Variants in GARNL3 observed in about 807,000 individuals in gnomAD.
GARNL3 encodes GTPase activating Rap/RanGAP domain like 3.
A neutral mutation model predicts 125.0 loss-of-function variants in GARNL3; 63 were observed. That is an observed-to-expected ratio of 0.50 (90% CI 0.41 to 0.62). The LOEUF (loss-of-function observed/expected upper bound fraction) is 0.62, where lower values mean the gene tolerates loss of function less well. Among genes scored for constraint, GARNL3 ranks in the 20% least tolerant of loss-of-function variants. The pLI, the probability that GARNL3 is intolerant of heterozygous loss-of-function variation, is 0.00. For missense variants in GARNL3, 994 were observed against 1,244.0 expected, an observed-to-expected ratio of 0.80 and a Z score of 3.02; for synonymous variants, 439 against 457.5, an observed-to-expected ratio of 0.96 and a Z score of 0.52.
At chr9:127,348,108 G>A (rs1175795558) in intron 16 of GARNL3, among the ~76,000 whole-genome samples, 2 of 152,226 alleles carry the variant, frequency 1.3e-5, no homozygotes, top group Non-Finnish European at 2.9e-5. Flanking sequence ...ATGCCTGATT[G>A]AGAGTAAAAG....
At chr9:127,291,685 C>T (rs956590739) in intron 2 of GARNL3, among the ~76,000 whole-genome samples, 4 of 149,658 alleles carry the variant, frequency 2.7e-5, no homozygotes, top group Non-Finnish European at 5.9e-5. Context: ...TTTCTGGGCT[C>T]TCTGGGTCTT....
intron 1 of GARNL3, among the ~76,000 whole-genome samples, chr9:127,276,207 C>T (rs149970159): frequency 2.0e-5 from 3 of 151,742 alleles, no homozygotes; most frequent in African/African-American, 4.8e-5. Context: ...AGGCTGATCT[C>T]GGACTCCTGG....
chr9:127,250,534 A>G lies in GARNL3; in HGVS notation c.143+7285A>G, dbSNP rs141361188. Among the ~76,000 whole-genome samples the G allele has an allele frequency of 4.6e-5, 7 of 152,276 alleles. No homozygotes were observed. In the East Asian group the frequency reaches 1.3e-3, roughly 29 times the overall value. ...TGGCAGTAAGTCTGATTAGGGGCAC[A>G]TGATATTTTGGGGGCTGCTGGGGTA... is the stretch of plus-strand genomic sequence containing the variant. On this transcript the variant is annotated intron_variant, in intron 2 of 10. Coordinates refer to the GARNL3 transcript ENST00000439286.
chr9:127,354,618 G>A (rs1326705744), intron 19 of GARNL3, among the ~76,000 whole-genome samples: 1 of 152,192 alleles, frequency 6.6e-6, no homozygotes, highest in African/African-American at 2.4e-5. Context: ...TCTAGGCCTT[G>A]CATAACAGGT....
chr9:127,358,408 A>G (rs1830801899), intron 21 of GARNL3, among the ~76,000 whole-genome samples: 2 of 152,274 alleles, frequency 1.3e-5, no homozygotes, highest in African/African-American at 4.8e-5. Flanking sequence ...AGGGAGACTA[A>G]CTCCTAGTGA....
chr9:127,388,965 C>T lies in GARNL3; in HGVS notation c.2589C>T (p.Ile863=), dbSNP rs751014679. Residue 863 remains isoleucine, a synonymous_variant, in exon 26 of 28, where the codon ATC becomes ATT. Transcript: ENST00000373387. ...IPLRNLVGRS[I]ERPLKSPLVS... is the part of the protein sequence containing the mutation. ...TTAGAAACCTCGTGGGCAGAAGCATCGAACGACCTCTGAAGTCACCCTTAG... is the reference window on the plus strand; with the variant it reads ...TTAGAAACCTCGTGGGCAGAAGCATTGAACGACCTCTGAAGTCACCCTTAG... 2.4e-5 allele frequency: 39 copies of T among 1,613,542 alleles called. No homozygotes were observed. The highest frequency in any genetic ancestry group is 8.3e-5 in the Admixed American group (5 of 60,002).
At chr9:127,360,414 G>A (rs75417815) in intron 21 of GARNL3, among the ~76,000 whole-genome samples, 23 of 152,254 alleles carry the variant, frequency 1.5e-4, no homozygotes, top group East Asian at 3.9e-4. Flanking sequence ...GTAGAATGGC[G>A]GCTGCACAGC....
At chr9:127,292,032 T>C (rs1212656057) in intron 2 of GARNL3, among the ~76,000 whole-genome samples, 1 of 152,152 alleles carries the variant, frequency 6.6e-6, no homozygotes, top group East Asian at 1.9e-4. Flanking sequence ...GAAGTGCTAG[T>C]TATGATGCTA....
At position 127,313,541 on chromosome 9, in the gene GARNL3, A is replaced by AATTC; in HGVS notation, c.421_424dup (p.Leu142HisfsTer36). 6.2e-7 allele frequency: 1 copy of AATTC among 1,613,290 alleles called. No homozygotes were observed. The highest frequency in any genetic ancestry group is 8.5e-7 in the Non-Finnish European group (1 of 1,179,208). On this transcript the variant is annotated frameshift_variant, in exon 4 of 28. Transcript: ENST00000373387. LOFTEE classifies it high-confidence loss of function. ...ATCAACGTGTCCCTCAATACCGTGC[A>AATTC]ATTCTTTGGAGAAAAACAGTAAGTA...
intron 1 of GARNL3, among the ~76,000 whole-genome samples, chr9:127,286,588 T>C (rs1369962304): frequency 6.6e-6 from 1 of 152,246 alleles, no homozygotes; most frequent in East Asian, 1.9e-4. Context: ...AGTTCTAGTT[T>C]TTGGTTCACC....
intron 2 of GARNL3, among the ~76,000 whole-genome samples, chr9:127,296,653 G>A (rs1022030962): frequency 1.3e-5 from 2 of 151,724 alleles, no homozygotes; most frequent in African/African-American, 4.8e-5. Context: ...TATATTTTTA[G>A]TAGAGACAGG....
intron 27 of GARNL3, 50 bp downstream of exon 27, chr9:127,390,817 A>AGCGGAGCAGCGGAGGTCAAGGCT: frequency 1.3e-6 from 2 of 1,581,192 alleles, no homozygotes; most frequent in Non-Finnish European, 1.7e-6. Flanking sequence ...TATGAGTCAC[A>AGCGGAGCAGCGGAGGTCAAGGCT]GCACTGCCCA....
chr9:127,373,673 A>AC (rs1831726729), intron 22 of GARNL3, among the ~76,000 whole-genome samples: 1 of 152,116 alleles, frequency 6.6e-6, no homozygotes, highest in South Asian at 2.1e-4. Flanking sequence ...ATGGTCCATC[A>AC]CCCCCTTGGT....
intron 1 of GARNL3, among the ~76,000 whole-genome samples, chr9:127,231,735 A>C (rs1394685743): frequency 6.6e-6 from 1 of 152,156 alleles, no homozygotes; most frequent in African/African-American, 2.4e-5. Flanking sequence ...CCCCAAATCT[A>C]CTTAGTCGGA....
At position 127,332,365 on chromosome 9, in the gene GARNL3, C is replaced by T; in HGVS notation, c.670+16C>T. On this transcript the variant is annotated intron_variant, in intron 8 of 27. Coordinates refer to ENST00000373387, the MANE Select transcript of GARNL3 (RefSeq NM_032293.5). ...TTCAGCAATGGTGAGTGATCTCCTC[C>T]CGCTCTCTGCTGCCAGAGACCCTGT... 3 of 1,605,134 alleles carry T rather than the reference C, an allele frequency of 1.9e-6. No homozygotes were observed. The African/African-American group carries it at 4.0e-5, about 21-fold the overall frequency.
At chr9:127,350,397 T>C (rs1246233736) in intron 17 of GARNL3, among the ~76,000 whole-genome samples, 1 of 152,178 alleles carries the variant, frequency 6.6e-6, no homozygotes, top group African/African-American at 2.4e-5. Flanking sequence ...CTGTATTAAG[T>C]GTTTACATAG....
intron 26 of GARNL3, 115 bp downstream of exon 26, chr9:127,389,234 AG>A (rs1832705249): frequency 2.7e-6 from 2 of 740,054 alleles, no homozygotes; most frequent in Admixed American, 2.5e-5. Flanking sequence ...CCTTTTAAGA[AG>A]GGATTTTTAA....
At chr9:127,349,386 C>G (rs539690464) in intron 17 of GARNL3, among the ~76,000 whole-genome samples, 1 of 151,982 alleles carries the variant, frequency 6.6e-6, no homozygotes, top group Non-Finnish European at 1.5e-5. Context: ...ACCACTGTCT[C>G]TGGGACATTC....
At chr9:127,246,172 G>A (rs1469505933) in intron 2 of GARNL3, among the ~76,000 whole-genome samples, 4 of 152,128 alleles carry the variant, frequency 2.6e-5, no homozygotes, top group Non-Finnish European at 4.4e-5. Flanking sequence ...CTCTAGAGGA[G>A]GGCATAGCAT....
Sources: gnomAD v4.1 joint callset for allele counts (sites outside exome capture counted in the v4.1 genomes callset) on GRCh38, gnomAD v4.1.1 for gene constraint, MANE v1.5 for transcripts, NCBI Gene and HGNC (gene_info 2026-07-23, HGNC 2026-07-21) for gene names.